Variants in CLSTN1 observed in about 807,000 individuals in gnomAD.
The protein encoded by CLSTN1 is calsyntenin 1.
In CLSTN1, 28 loss-of-function variants were observed where a neutral mutation model predicts 108.3. The observed-to-expected ratio is 0.26, with a 90% CI of 0.19 to 0.35. The LOEUF (loss-of-function observed/expected upper bound fraction) is 0.35. Among genes scored for constraint, CLSTN1 ranks in the 10% least tolerant of loss-of-function variants. The pLI is 1.00. For synonymous variants in CLSTN1, 524 were observed against 534.9 expected, an observed-to-expected ratio of 0.98 and a Z score of 0.28; for missense variants, 1,157 against 1,302.6, an observed-to-expected ratio of 0.89 and a Z score of 1.72.
At chr1:9,810,190 G>A (rs1251109119) in intron 1 of CLSTN1, among the ~76,000 whole-genome samples, 1 of 149,176 alleles carries the variant, frequency 6.7e-6, no homozygotes, top group Non-Finnish European at 1.5e-5. Flanking sequence ...CAAGCAGGCA[G>A]GCAGGCAGGG....
At chr1:9,755,666 G>A (rs1205327477) in intron 3 of CLSTN1, among the ~76,000 whole-genome samples, 1 of 152,154 alleles carries the variant, frequency 6.6e-6, no homozygotes, top group Non-Finnish European at 1.5e-5. Context: ...GAGAACACCA[G>A]CGCTGCCCCA....
intron 1 of CLSTN1, among the ~76,000 whole-genome samples, chr1:9,796,764 C>T (rs1346491957): frequency 1.3e-5 from 2 of 152,172 alleles, no homozygotes; most frequent in Non-Finnish European, 2.9e-5. Flanking sequence ...GAATAATAAA[C>T]CCATGGAAAC....
intron 1 of CLSTN1, among the ~76,000 whole-genome samples, chr1:9,788,443 T>C (rs1653596545): frequency 1.3e-5 from 2 of 150,936 alleles, no homozygotes; most frequent in Admixed American, 6.7e-5. Flanking sequence ...TGGTAGTCCA[T>C]GCTAATTCCA....
intron 1 of CLSTN1, among the ~76,000 whole-genome samples, chr1:9,779,709 G>A (rs1025273803): frequency 1.3e-5 from 2 of 152,180 alleles, no homozygotes; most frequent in Non-Finnish European, 2.9e-5. Flanking sequence ...TTACAAGTGT[G>A]AGCTACAACA....
intron 4 of CLSTN1, among the ~76,000 whole-genome samples, chr1:9,752,904 G>C (rs758615126): frequency 1.3e-5 from 2 of 152,036 alleles, no homozygotes; most frequent in Non-Finnish European, 2.9e-5. Context: ...AAAAGAAAAA[G>C]AAACAGACTC....
At chr1:9,750,019 C>T (rs1651478642) in intron 5 of CLSTN1, 106 bp from the exon 6 acceptor site, 12 of 893,884 alleles carry the variant, frequency 1.3e-5, no homozygotes, top group Non-Finnish European at 1.9e-5. Context: ...CCTGTAAATA[C>T]TCAGCCAGAA....
At chr1:9,770,649 G>GTATTTA (rs1489151949) in intron 2 of CLSTN1, among the ~76,000 whole-genome samples, 4 of 152,194 alleles carry the variant, frequency 2.6e-5, no homozygotes, top group Admixed American at 2.6e-4. Context: ...ATTTATATTT[G>GTATTTA]TACAGTACTT....
Position 9,744,516 on chromosome 1 carries a change from C to T in CLSTN1, c.1113G>A (p.Val371=), listed in dbSNP as rs1242573296. 1 of 1,613,484 alleles carries T rather than the reference C, an allele frequency of 6.2e-7. No individual in the cohort carries two copies. The highest frequency in any genetic ancestry group is 8.5e-7 in the Non-Finnish European group (1 of 1,180,012). ...QVFEFNGTQA[V]RIPDGVVSVS... The stretch of plus-strand genomic sequence containing the variant: ...CCGACACGACGCCATCCGGGATCCT[C>T]ACTGCCTGGGTGCCGTTGAACTCAA... The change falls in exon 8 of 19, where the codon GTG becomes GTA. Residue 371 remains valine, a synonymous_variant. Transcript: ENST00000377298.
intron 1 of CLSTN1, among the ~76,000 whole-genome samples, chr1:9,800,602 C>T (rs912825843): frequency 7.4e-5 from 11 of 148,422 alleles, no homozygotes; most frequent in South Asian, 6.4e-4. Context: ...TGGTGGCAGG[C>T]GCCTGTAGTC....
chr1:9,764,637 TAAAAAAA>T (rs70998307), intron 2 of CLSTN1, among the ~76,000 whole-genome samples: 9 of 82,334 alleles, frequency 1.1e-4, no homozygotes, highest in South Asian at 9.6e-4. Context: ...GCTCCATCTT[TAAAAAAA>T]AAAAAAAAAA....
chr1:9,742,697 A>G (rs530423411), intron 9 of CLSTN1, among the ~76,000 whole-genome samples: 13 of 152,320 alleles, frequency 8.5e-5, no homozygotes, highest in African/African-American at 1.2e-4. Context: ...CACCAATAAG[A>G]GATGAATGCT....
At chr1:9,737,923 C>G (rs1224773710) in intron 10 of CLSTN1, among the ~76,000 whole-genome samples, 2 of 152,136 alleles carry the variant, frequency 1.3e-5, no homozygotes, top group Non-Finnish European at 2.9e-5. Context: ...ATGCTGCTCC[C>G]GATATAAACA....
intron 9 of CLSTN1, among the ~76,000 whole-genome samples, chr1:9,743,024 T>C (rs778460256): frequency 2.8e-4 from 43 of 152,228 alleles, no homozygotes; most frequent in Non-Finnish European, 5.4e-4. Context: ...TATGATTATT[T>C]TTAGACACTA....
chr1:9,789,339 C>T (rs1188546637), intron 1 of CLSTN1, among the ~76,000 whole-genome samples: 1 of 151,416 alleles, frequency 6.6e-6, no homozygotes, highest in Admixed American at 6.7e-5. Flanking sequence ...CACCTCCTTC[C>T]CAGCACTTGT....
chr1:9,802,654 C>G (rs1654331109), intron 1 of CLSTN1, among the ~76,000 whole-genome samples: 1 of 152,124 alleles, frequency 6.6e-6, no homozygotes, highest in Non-Finnish European at 1.5e-5. Context: ...CCAGATCCCA[C>G]TGTTCATTCT....
chr1:9,770,260 A>G (rs1478661539), intron 2 of CLSTN1, among the ~76,000 whole-genome samples: 1 of 152,210 alleles, frequency 6.6e-6, no homozygotes, highest in African/African-American at 2.4e-5. Context: ...ATTTTTGTAC[A>G]TCAGTAAAAA....
intron 1 of CLSTN1, among the ~76,000 whole-genome samples, chr1:9,796,622 T>C (rs1654019056): frequency 6.6e-6 from 1 of 151,326 alleles, no homozygotes; most frequent in Admixed American, 6.7e-5. Flanking sequence ...AGGCGGAGCT[T>C]GCAGTGAGCC....
In CLSTN1 at chr1:9,729,854, T is replaced by C. The variant is rs1650247275; in HGVS notation, c.*654A>G. Reference sequence around the variant, plus strand: ...GCCATACTCAGACCTGAGCAGGGGCTGGGGCGGGGCTGGGCGGGGTGGGCC... The same window carrying C: ...GCCATACTCAGACCTGAGCAGGGGCCGGGGCGGGGCTGGGCGGGGTGGGCC... On this transcript the variant is annotated 3_prime_UTR_variant, in exon 19 of 19. Coordinates refer to ENST00000377298, the MANE Select transcript of CLSTN1 (RefSeq NM_001009566.3). The C allele has an allele frequency of 6.6e-6, 1 of 152,538 alleles. No homozygotes were observed. Among genetic ancestry groups the C allele is most frequent in the East Asian group, 2.0e-4 (1 of 5,086 alleles). 9.4% of individuals were successfully genotyped at this position (152,538 alleles called of 1,614,324 possible).
At chr1:9,749,700 G>C in intron 6 of CLSTN1, 54 bp from the exon 7 acceptor site, 2 of 1,611,078 alleles carry the variant, frequency 1.2e-6, no homozygotes, top group Non-Finnish European at 1.7e-6. Flanking sequence ...ACACACTCTA[G>C]GTTGCTGCCG....
Sources: allele counts gnomAD v4.1 joint callset (sites outside exome capture counted in the v4.1 genomes callset), GRCh38; gene constraint gnomAD v4.1.1; transcripts MANE v1.5; gene names NCBI Gene and HGNC (gene_info 2026-07-23, HGNC 2026-07-21).